LIMCH1: variants seen among roughly 807,000 people sequenced by gnomAD.
LIMCH1 encodes LIM and calponin homology domains 1, also known as LIM and calponin homology domains-containing protein 1.
In LIMCH1, 113 loss-of-function variants were observed where a neutral mutation model predicts 176.5. That is an observed-to-expected ratio of 0.64 (90% confidence interval 0.55 to 0.75). The LOEUF (loss-of-function observed/expected upper bound fraction) is 0.75, where lower values mean the gene tolerates loss of function less well. LIMCH1 is among the 30% of genes least tolerant of loss of function. The pLI, the probability that LIMCH1 is intolerant of heterozygous loss-of-function variation, is 0.00. For missense variants in LIMCH1, 1,674 were observed against 1,814.9 expected, an observed-to-expected ratio of 0.92 and a Z score of 1.41; for synonymous variants, 619 against 645.9, an observed-to-expected ratio of 0.96 and a Z score of 0.63.
At chr4:41,552,136 A>G (rs2152518319) in intron 1 of LIMCH1, among the ~76,000 whole-genome samples, 1 of 152,260 alleles carries the variant, frequency 6.6e-6, no homozygotes, top group East Asian at 1.9e-4. Flanking sequence ...CTTATTCACT[A>G]TCAGGAGAAC....
chr4:41,434,792 C>T (rs1224308962), intron 1 of LIMCH1, among the ~76,000 whole-genome samples: 3 of 152,228 alleles, frequency 2.0e-5, no homozygotes, highest in East Asian at 1.9e-4. Context: ...GCTGGGATTA[C>T]AGGCGTGAGC....
chr4:41,425,939 G>GAACATTTAT (rs1284189042), intron 1 of LIMCH1, among the ~76,000 whole-genome samples: 2 of 151,878 alleles, frequency 1.3e-5, no homozygotes, highest in African/African-American at 4.8e-5. Flanking sequence ...CTGTTTTAAG[G>GAACATTTAT]AACATTTATA....
chr4:41,399,758 C>G (rs1422918337), intron 1 of LIMCH1, among the ~76,000 whole-genome samples: 1 of 135,788 alleles, frequency 7.4e-6, no homozygotes, highest in African/African-American at 2.8e-5. Flanking sequence ...CTCGGTGTAC[C>G]TCAACCTCTG....
At chr4:41,412,805 A>G (rs1277075222) in intron 1 of LIMCH1, among the ~76,000 whole-genome samples, 1 of 152,206 alleles carries the variant, frequency 6.6e-6, no homozygotes, top group Non-Finnish European at 1.5e-5. Flanking sequence ...GTGGATGGCA[A>G]GAAGGATCCA....
chr4:41,642,092 A>T (rs188888427), intron 14 of LIMCH1, among the ~76,000 whole-genome samples: 2 of 152,142 alleles, frequency 1.3e-5, no homozygotes, highest in South Asian at 4.1e-4. Context: ...ACCTGGATCT[A>T]TGGCCACCCA....
intron 5 of LIMCH1, among the ~76,000 whole-genome samples, chr4:41,617,346 C>T (rs1364648771): frequency 6.6e-6 from 1 of 152,186 alleles, no homozygotes; most frequent in African/African-American, 2.4e-5. Flanking sequence ...AGTTTCAGAA[C>T]TGTCACTAAC....
intron 19 of LIMCH1, chr4:41,661,791 C>T: frequency 2.5e-6 from 1 of 403,892 alleles, no homozygotes; most frequent in Non-Finnish European, 4.4e-6. Flanking sequence ...TTGTGTTCTT[C>T]CATATAAATC....
chr4:41,465,640 C>G (rs528175297), intron 1 of LIMCH1, among the ~76,000 whole-genome samples: 3 of 152,330 alleles, frequency 2.0e-5, no homozygotes, highest in African/African-American at 7.2e-5. Flanking sequence ...GCAGGTTTTC[C>G]TCCTCCAGTT....
chr4:41,417,102 A>G (rs1296724442), intron 1 of LIMCH1, among the ~76,000 whole-genome samples: 1 of 94,316 alleles, frequency 1.1e-5, no homozygotes, highest in African/African-American at 5.1e-5. Flanking sequence ...CTTCTTTGTG[A>G]GGGGTTATCT....
chr4:41,431,075 A>G (rs1182640948), intron 1 of LIMCH1, among the ~76,000 whole-genome samples: 6 of 152,182 alleles, frequency 3.9e-5, no homozygotes, highest in Non-Finnish European at 2.9e-5. Context: ...TTATTTCTCC[A>G]TCCTCCTCAG....
At chr4:41,472,418 TTTC>T (rs1315010262) in intron 1 of LIMCH1, among the ~76,000 whole-genome samples, 7 of 148,868 alleles carry the variant, frequency 4.7e-5, no homozygotes. Flanking sequence ...TCCTTCCTAC[TTTC>T]TTCTTTTTCT....
intron 3 of LIMCH1, chr4:41,604,152 C>T (rs1235535998): frequency 1.0e-6 from 1 of 954,236 alleles, no homozygotes; most frequent in Non-Finnish European, 1.2e-6. Context: ...AAAGCTTGTA[C>T]TCTGTTTATG....
At chr4:41,468,423 T>C (rs2066484504) in intron 1 of LIMCH1, among the ~76,000 whole-genome samples, 1 of 140,226 alleles carries the variant, frequency 7.1e-6, no homozygotes, top group South Asian at 2.6e-4. Flanking sequence ...CCTTCTTTCC[T>C]TCTTTCCTTC....
At chr4:41,370,530 A>C (rs1010174563) in intron 1 of LIMCH1, among the ~76,000 whole-genome samples, 4 of 152,136 alleles carry the variant, frequency 2.6e-5, no homozygotes, top group Non-Finnish European at 5.9e-5. Context: ...ATTAAAAAAA[A>C]AGTTGCCTGT....
intron 1 of LIMCH1, among the ~76,000 whole-genome samples, chr4:41,494,324 C>CAT (rs1171046602): frequency 6.7e-6 from 1 of 148,672 alleles, no homozygotes; most frequent in African/African-American, 2.5e-5. Context: ...TACACACATA[C>CAT]ATATATATAC....
At chr4:41,440,753 G>A (rs754475213) in intron 1 of LIMCH1, among the ~76,000 whole-genome samples, 6 of 152,002 alleles carry the variant, frequency 3.9e-5, no homozygotes, top group Non-Finnish European at 5.9e-5. Context: ...ACCTGGTCTC[G>A]AACTCCTGAC....
chr4:41,675,355 G>A (rs2095180858), intron 22 of LIMCH1, among the ~76,000 whole-genome samples: 1 of 152,046 alleles, frequency 6.6e-6, no homozygotes, highest in Admixed American at 6.5e-5. Flanking sequence ...ACCTTGGATA[G>A]GACTGACCCT....
At chr4:41,371,552 A>C (rs1206497963) in intron 1 of LIMCH1, among the ~76,000 whole-genome samples, 2 of 152,104 alleles carry the variant, frequency 1.3e-5, no homozygotes, top group Non-Finnish European at 2.9e-5. Flanking sequence ...GGGAAGGAAA[A>C]TGTGGATTTA....
chr4:41,681,950 A>G (rs1473127531), intron 25 of LIMCH1, among the ~76,000 whole-genome samples: 1 of 152,218 alleles, frequency 6.6e-6, no homozygotes, highest in East Asian at 1.9e-4. Context: ...CTGCCTCCAC[A>G]TTCCCCAAAT....
Sources: gnomAD v4.1 joint callset for allele counts (sites outside exome capture counted in the v4.1 genomes callset) on GRCh38, gnomAD v4.1.1 for gene constraint, MANE v1.5 for transcripts, NCBI Gene and HGNC (gene_info 2026-07-23, HGNC 2026-07-21) for gene names.